Variants in GATA6 observed in about 807,000 individuals in gnomAD.
GATA6 encodes GATA binding protein 6, also known as transcription factor GATA-6.
GATA6 carries 11 observed loss-of-function variants against 48.1 expected under a neutral mutation model. The ratio of observed to expected loss-of-function variants is 0.23; its 90% CI spans 0.14 to 0.38. GATA6 has a LOEUF of 0.38. GATA6 is among the 10% of genes least tolerant of loss of function. GATA6 has a pLI of 1.00. For missense variants in GATA6, 795 were observed against 850.3 expected, an observed-to-expected ratio of 0.93 and a Z score of 0.81; for synonymous variants, 419 against 396.1, an observed-to-expected ratio of 1.06 and a Z score of -0.69.
chr18:22,172,053 G>T lies in GATA6; in HGVS notation c.909G>T (p.Met303Ile). The T allele has an allele frequency of 7.8e-7, 1 of 1,278,088 alleles. No homozygotes were observed. The highest frequency in any genetic ancestry group is 9.8e-7 in the Non-Finnish European group (1 of 1,015,682). The allele number at this position is 1,278,088 out of a possible 1,614,324, so 79.2% of individuals were successfully genotyped here. A position where few individuals can be genotyped will look rare whatever the true frequency, so the allele number is the denominator to read the frequency against. The change falls in exon 2 of 7, where the codon ATG becomes ATT. Residue 303 changes from methionine (M) to isoleucine (I), a missense_variant. By Grantham distance (10) the Met-to-Ile change is conservative. Transcript: ENST00000269216. This position sits in a 1 kb window ranked among gnomAD's most constrained non-coding sequence, Gnocchi z 5.2. The part of the protein sequence containing the change: ...VSGGGSSLAA[M>I]GGREPQYSSL... The stretch of plus-strand genomic sequence containing the variant: ...GCGGCGGCAGTAGCCTGGCGGCCAT[G>T]GGCGGCCGCGAGCCCCAGTACAGCT...
chr18:22,184,308 A>T (rs1282527970), intron 6 of GATA6, among the ~76,000 whole-genome samples: 1 of 150,744 alleles, frequency 6.6e-6, no homozygotes, highest in African/African-American at 2.4e-5. Context: ...GTCTTTTTAG[A>T]GTTTCACAAG....
chr18:22,176,957 C>A lies in GATA6; in HGVS notation c.1138C>A (p.Leu380Met). Reference protein sequence around the residue: ...LPVPRGPSADLLEDLSESREC... With the variant: ...LPVPRGPSADMLEDLSESREC... ...CTCACGCACCGCTGTCGCCGCAGAC[C>A]TGCTGGAGGACCTGTCCGAGAGCCG... The change falls in exon 3 of 7, where the codon CTG becomes ATG. Residue 380 changes from leucine (L) to methionine (M), a missense_variant and splice_region_variant. This residue lies in a region of GATA6 where 591 missense variants were observed against 570.0 expected (regional missense o/e 1.04). Transcript: ENST00000269216. The A allele has an allele frequency of 6.4e-7, 1 of 1,553,402 alleles. No individual in the cohort carries two copies. The highest frequency in any genetic ancestry group is 8.7e-7 in the Non-Finnish European group (1 of 1,153,138).
chr18:22,193,785 CG>C (rs914617380), intron 6 of GATA6, among the ~76,000 whole-genome samples: 1 of 152,152 alleles, frequency 6.6e-6, no homozygotes, highest in Non-Finnish European at 1.5e-5. Flanking sequence ...GAGCATGCCC[CG>C]TACACTCCTC....
At chr18:22,191,879 C>T (rs1002115288) in intron 6 of GATA6, among the ~76,000 whole-genome samples, 5 of 152,136 alleles carry the variant, frequency 3.3e-5, no homozygotes, top group South Asian at 2.1e-4. Flanking sequence ...TACGAGTAAA[C>T]GGTTCCAAGT....
At position 22,200,176 on chromosome 18, in the gene GATA6, A is replaced by AGTGTGTGT. The variant is rs59255780; in HGVS notation, c.1621-462_1621-455dup. ...GCCATCACTGGATAAGCCTTGTTAG[A>AGTGTGTGT]GTGTGTGTGTGTGTGTGTGTGTGTG... is the stretch of plus-strand genomic sequence containing the variant. On this transcript the variant is annotated intron_variant, in intron 6 of 6. Transcript: ENST00000269216. Among the ~76,000 whole-genome samples the AGTGTGTGT allele has an allele frequency of 3.6e-3, 537 of 150,472 alleles. 1 individual carries two copies. The highest frequency in any genetic ancestry group is 9.0e-3 in the East Asian group (45 of 5,024).
chr18:22,185,456 A>G lies in GATA6; in HGVS notation c.1620+2413A>G, dbSNP rs987557739. On this transcript the variant is annotated intron_variant, in intron 6 of 6. Coordinates refer to ENST00000269216, the MANE Select transcript of GATA6 (RefSeq NM_005257.6). This position sits in a 1 kb window ranked among gnomAD's most constrained non-coding sequence, Gnocchi z 4.3. ...CTGGTGTGAGCTGCAGCCAGGGGGC[A>G]TCTCTCCGAGCTCTCCAGCCTCTGG... Among the ~76,000 whole-genome samples, 3 of 152,342 alleles carry G rather than the reference A, an allele frequency of 2.0e-5. No individual in the cohort carries two copies. The highest frequency in any genetic ancestry group is 2.9e-5 in the Non-Finnish European group (2 of 68,034).
chr18:22,185,098 G>A lies in GATA6; in HGVS notation c.1620+2055G>A, dbSNP rs1434459552. 6.6e-6 allele frequency among the ~76,000 whole-genome samples: 1 copy of A among 152,186 alleles called. No individual in the cohort carries two copies. The highest frequency in any genetic ancestry group is 2.4e-5 in the African/African-American group (1 of 41,462). On this transcript the variant is annotated intron_variant, in intron 6 of 6. Transcript: ENST00000269216. The surrounding 1 kb of genome is among the most constrained non-coding windows in gnomAD (Gnocchi z 4.3). ...CGTAAAATTTCAAAATTTGCTATTA[G>A]CAAGTCCTATCGGTTGCTGTCCAGC...
In GATA6 at chr18:22,182,754, T is replaced by C. The variant is rs2143303748; in HGVS notation, c.1429-3T>C. 3.1e-6 allele frequency: 5 copies of C among 1,611,504 alleles called. No homozygotes were observed. Among genetic ancestry groups the C allele is most frequent in the Non-Finnish European group, 4.2e-6 (5 of 1,178,328 alleles). Reference sequence around the variant, plus strand: ...ATTTATGGCCTATGTGAAAATTTTTTAGGTGCCCAGACCACTTGCTATGAA... The same window carrying C: ...ATTTATGGCCTATGTGAAAATTTTTCAGGTGCCCAGACCACTTGCTATGAA... On this transcript the variant is annotated splice_region_variant and splice_polypyrimidine_tract_variant and intron_variant, in intron 4 of 6. Coordinates refer to ENST00000269216, the MANE Select transcript of GATA6 (RefSeq NM_005257.6).
intron 6 of GATA6, among the ~76,000 whole-genome samples, chr18:22,192,155 C>A (rs1211745448): frequency 6.6e-6 from 1 of 152,196 alleles, no homozygotes; most frequent in African/African-American, 2.4e-5. Context: ...CAGGCGCTAG[C>A]TCCAGCTCTG....
chr18:22,192,550 G>C (rs530103167), intron 6 of GATA6, among the ~76,000 whole-genome samples: 8 of 152,110 alleles, frequency 5.3e-5, no homozygotes, highest in Non-Finnish European at 1.0e-4. Context: ...GCTTTTTGTG[G>C]TTTAAGTGCA....
chr18:22,192,971 C>T (rs1015171709), intron 6 of GATA6, among the ~76,000 whole-genome samples: 4 of 152,152 alleles, frequency 2.6e-5, no homozygotes, highest in Admixed American at 6.5e-5. Context: ...GAATTGCTTT[C>T]GTCTTCTTGA....
At chr18:22,197,594 A>G (rs1203081677) in intron 6 of GATA6, among the ~76,000 whole-genome samples, 2 of 152,202 alleles carry the variant, frequency 1.3e-5, no homozygotes, top group Non-Finnish European at 2.9e-5. Flanking sequence ...TCTCTCGCCA[A>G]TAACAATAGC....
chr18:22,192,667 A>G (rs1393237760), intron 6 of GATA6, among the ~76,000 whole-genome samples: 1 of 152,172 alleles, frequency 6.6e-6, no homozygotes, highest in African/African-American at 2.4e-5. Flanking sequence ...ATCATAATTC[A>G]CCAGGTTTTA....
chr18:22,181,964 A>C (rs912313116), intron 4 of GATA6, among the ~76,000 whole-genome samples: 3 of 152,214 alleles, frequency 2.0e-5, no homozygotes, highest in African/African-American at 7.2e-5. Flanking sequence ...AAAATGCACA[A>C]TCACTAGTCT....
At chr18:22,176,188 A>G (rs2033119200) in intron 2 of GATA6, among the ~76,000 whole-genome samples, 1 of 152,216 alleles carries the variant, frequency 6.6e-6, no homozygotes, top group African/African-American at 2.4e-5. Flanking sequence ...AATTTTCTCA[A>G]TCAGTAAGGT....
intron 6 of GATA6, among the ~76,000 whole-genome samples, chr18:22,199,536 T>A (rs1272480476): frequency 6.6e-6 from 1 of 152,242 alleles, no homozygotes. Flanking sequence ...AATTATATGA[T>A]GTTTCCTATT....
chr18:22,193,416 C>G (rs527474768), intron 6 of GATA6, among the ~76,000 whole-genome samples: 116 of 152,278 alleles, frequency 7.6e-4, no homozygotes, highest in African/African-American at 2.7e-3. Context: ...AAGCATTTCC[C>G]CTTTGTTGGA....
Position 22,181,365 on chromosome 18 carries a change from T to C in GATA6, c.1303-88T>C. 4.9e-6 allele frequency: 7 copies of C among 1,436,762 alleles called. No individual in the cohort carries two copies. In the South Asian group the frequency reaches 8.2e-5, roughly 17 times the overall value. 89.0% of individuals were successfully genotyped at this position (1,436,762 alleles called of 1,614,324 possible). Reference sequence around the variant, plus strand: ...AATAAAACAGATACATACTTGTTGATGACAGGGACAAAATACCTTAATGTA... The same window carrying C: ...AATAAAACAGATACATACTTGTTGACGACAGGGACAAAATACCTTAATGTA... On this transcript the variant is annotated intron_variant, in intron 3 of 6. Transcript: ENST00000269216.
intron 6 of GATA6, among the ~76,000 whole-genome samples, chr18:22,184,501 TA>T (rs1314170462): frequency 1.1e-4 from 17 of 152,172 alleles, no homozygotes; most frequent in African/African-American, 3.9e-4. Flanking sequence ...TAATAATAAT[TA>T]TTTTTTTTTT....
Sources: gnomAD v4.1 joint callset for allele counts (sites outside exome capture counted in the v4.1 genomes callset) on GRCh38, gnomAD v4.1.1 for gene constraint, gnomAD v4.1.1 regional missense constraint, Gnocchi (gnomAD v3.1) non-coding constraint, MANE v1.5 for transcripts, NCBI Gene and HGNC (gene_info 2026-07-23, HGNC 2026-07-21) for gene names.